ABCC1: variants seen among roughly 807,000 people sequenced by gnomAD.
The protein encoded by ABCC1 is ATP binding cassette subfamily C member 1 (ABCC1 blood group), also known as multidrug resistance-associated protein 1.
ABCC1 carries 83 observed loss-of-function variants against 172.9 expected under a neutral mutation model. That is an observed-to-expected ratio of 0.48 (90% confidence interval 0.40 to 0.58). The LOEUF (loss-of-function observed/expected upper bound fraction) is 0.58, where lower values mean the gene tolerates loss of function less well. Among genes scored for constraint, ABCC1 ranks in the 20% least tolerant of loss-of-function variants. The pLI is 0.00. For missense variants in ABCC1, 1,817 were observed against 2,002.7 expected (o/e 0.91, Z 1.77); for synonymous variants, 937 against 825.2 (o/e 1.14, Z -2.32).
intron 24 of ABCC1, among the ~76,000 whole-genome samples, chr16:16,123,914 G>T (rs1290840934): frequency 6.6e-6 from 1 of 152,098 alleles, no homozygotes; most frequent in Admixed American, 6.5e-5. Flanking sequence ...CAGCTACTCA[G>T]GCTGAGGCAG....
chr16:16,044,692 T>A lies in ABCC1; in HGVS notation c.1040+12T>A, dbSNP rs760260442. The stretch of plus-strand genomic sequence containing the variant: ...CCGCAGATCTTAAAGTAAGACCCCT[T>A]CCCTCCCAGGTGGGCTCCATTTTCC... On this transcript the variant is annotated intron_variant, in intron 8 of 30. Transcript: ENST00000399410. 1 of 1,609,886 alleles carries A rather than the reference T, an allele frequency of 6.2e-7. No individual in the cohort carries two copies. The highest frequency in any genetic ancestry group is 8.5e-7 in the Non-Finnish European group (1 of 1,176,230).
chr16:16,028,341 C>T (rs759768791), intron 5 of ABCC1, among the ~76,000 whole-genome samples: 1 of 152,116 alleles, frequency 6.6e-6, no homozygotes, highest in Non-Finnish European at 1.5e-5. Flanking sequence ...GCAGGGGTCT[C>T]GCTGTCTCGT....
chr16:16,018,907 G>A (rs1244092720), intron 5 of ABCC1, among the ~76,000 whole-genome samples: 2 of 152,050 alleles, frequency 1.3e-5, no homozygotes, highest in Non-Finnish European at 2.9e-5. Flanking sequence ...AAAGGCCAAG[G>A]CTAGAGGATC....
chr16:15,955,489 C>T (rs2045974497), intron 1 of ABCC1, among the ~76,000 whole-genome samples: 1 of 152,202 alleles, frequency 6.6e-6, no homozygotes, highest in African/African-American at 2.4e-5. Flanking sequence ...AGCCAAAGGG[C>T]TTACAGTGGC....
chr16:16,029,155 T>C (rs539498406), intron 5 of ABCC1, among the ~76,000 whole-genome samples: 10 of 152,186 alleles, frequency 6.6e-5, no homozygotes, highest in Non-Finnish European at 1.5e-4. Context: ...GAGCTTTTTA[T>C]TTAGCCTTTT....
At chr16:16,010,821 C>G (rs1022770167) in intron 3 of ABCC1, among the ~76,000 whole-genome samples, 1 of 152,202 alleles carries the variant, frequency 6.6e-6, no homozygotes, top group Non-Finnish European at 1.5e-5. Flanking sequence ...GATCACACCA[C>G]TAATGTGCAG....
intron 14 of ABCC1, 128 bp from the exon 15 acceptor site, chr16:16,076,198 A>G (rs747978925): frequency 7.2e-5 from 63 of 870,422 alleles, no homozygotes; most frequent in Middle Eastern, 2.1e-4. Flanking sequence ...ATGTCACCAG[A>G]TAATAATGCC....
chr16:15,992,733 A>G (rs1281115950), intron 1 of ABCC1, among the ~76,000 whole-genome samples: 2 of 152,190 alleles, frequency 1.3e-5, no homozygotes, highest in African/African-American at 4.8e-5. Context: ...GAATTAGGCG[A>G]TGCCATGACC....
chr16:16,108,977 G>A (rs2052269234), intron 21 of ABCC1, among the ~76,000 whole-genome samples: 1 of 151,954 alleles, frequency 6.6e-6, no homozygotes, highest in Admixed American at 6.6e-5. Flanking sequence ...GCTAATTTCA[G>A]GGACAGCAGG....
chr16:16,118,440 TTTTTC>T (rs749135642), intron 23 of ABCC1, among the ~76,000 whole-genome samples: 3,077 of 147,344 alleles, frequency 0.021, 64 homozygotes, highest in Middle Eastern at 0.042. Flanking sequence ...TTTTTTTTTT[TTTTTC>T]CCCTGCATTT....
intron 12 of ABCC1, among the ~76,000 whole-genome samples, chr16:16,058,452 T>C (rs748891320): frequency 2.0e-5 from 3 of 152,226 alleles, no homozygotes; most frequent in Admixed American, 6.5e-5. Context: ...TAAACTACCA[T>C]CTGCTTCATC....
At chr16:15,981,532 C>T (rs911516320) in intron 1 of ABCC1, among the ~76,000 whole-genome samples, 8 of 152,160 alleles carry the variant, frequency 5.3e-5, no homozygotes, top group Non-Finnish European at 2.9e-5. Flanking sequence ...TGGCACAGCC[C>T]GAGCAGCATT....
At chr16:16,040,441 C>G (rs1359411725) in intron 7 of ABCC1, among the ~76,000 whole-genome samples, 1 of 151,934 alleles carries the variant, frequency 6.6e-6, no homozygotes, top group Non-Finnish European at 1.5e-5. Context: ...GAATGTACCA[C>G]CATGCCCGGC....
chr16:15,960,173 C>A (rs2046096223), intron 1 of ABCC1, among the ~76,000 whole-genome samples: 1 of 152,074 alleles, frequency 6.6e-6, no homozygotes, highest in Admixed American at 6.6e-5. Context: ...TCTCGACCTC[C>A]CAGGCCAAGT....
At chr16:16,041,475 G>A (rs143523120) in intron 7 of ABCC1, among the ~76,000 whole-genome samples, 11 of 152,230 alleles carry the variant, frequency 7.2e-5, no homozygotes, top group South Asian at 2.1e-4. Context: ...GATCCTCAGC[G>A]TGGAGCCAGG....
rs567216849 is a variant in ABCC1, at chr16:16,102,631, C to T, written c.2649C>T (p.Val883=). 10 of 1,578,734 alleles carry T rather than the reference C, an allele frequency of 6.3e-6. No individual in the cohort carries two copies. The Admixed American group carries it at 1.8e-4, about 29-fold the overall frequency. ...CCTTTGTCTCTCTTCTGCCAGGGGT[C>T]ACGGGCGTCAGCGGTCCAGGGAAGG... The part of the protein sequence containing the change: ...EQEQDAEENG[V]TGVSGPGKEA... Residue 883 remains valine (V), a synonymous_variant, in exon 20 of 31, where the codon GTC becomes GTT. Transcript: ENST00000399410.
chr16:16,070,869 G>T (rs1422841382), intron 13 of ABCC1, among the ~76,000 whole-genome samples: 2 of 152,012 alleles, frequency 1.3e-5, no homozygotes, highest in Non-Finnish European at 2.9e-5. Context: ...ATTTCAGCAT[G>T]CATTTCTTCC....
chr16:16,028,597 G>C (rs538014813), intron 5 of ABCC1, among the ~76,000 whole-genome samples: 1 of 152,014 alleles, frequency 6.6e-6, no homozygotes, highest in Non-Finnish European at 1.5e-5. Context: ...CAGCTCTTCC[G>C]GATGAAAAAC....
chr16:16,028,900 C>T (rs949671334), intron 5 of ABCC1, among the ~76,000 whole-genome samples: 1 of 152,146 alleles, frequency 6.6e-6, no homozygotes, highest in Non-Finnish European at 1.5e-5. Flanking sequence ...GATCTGAACT[C>T]GGCTTCAGTT....
Sources: allele counts gnomAD v4.1 joint callset (sites outside exome capture counted in the v4.1 genomes callset), GRCh38; gene constraint gnomAD v4.1.1; transcripts MANE v1.5; gene names NCBI Gene and HGNC (gene_info 2026-07-23, HGNC 2026-07-21).